Variants in GLB1 observed in about 807,000 individuals in gnomAD.
GLB1 encodes the protein beta-galactosidase.
A neutral mutation model predicts 74.0 loss-of-function variants in GLB1; 56 were observed. That is an observed-to-expected ratio of 0.76 (90% confidence interval 0.61 to 0.94). GLB1 has a LOEUF of 0.94. Among genes scored for constraint, GLB1 ranks in the 40% least tolerant of loss-of-function variants. The pLI is 0.00. For missense variants in GLB1, 787 were observed against 845.5 expected (o/e 0.93, Z 0.86); for synonymous variants, 323 against 323.6 (o/e 1.00, Z 0.02).
chr3:32,993,522 A>ATTT (rs746774682), downstream of GLB1, among the ~76,000 whole-genome samples: 1,551 of 62,310 alleles, frequency 0.025, 270 homozygotes, highest in East Asian at 0.037. Flanking sequence ...CATCCAGCTA[A>ATTT]TTTTTTTTTT....
At chr3:32,978,765 C>CTTTTTTTTTT in the GLB1 span, among the ~76,000 whole-genome samples, 4 of 126,070 alleles carry the variant, frequency 3.2e-5, no homozygotes, top group Non-Finnish European at 4.8e-5. Context: ...TTCTTTCTTT[C>CTTTTTTTTTT]TTTTTTTTTT....
chr3:33,009,154 T>TAAATAAATAAATAAAAAAAA (rs761134064), intron 15 of GLB1, among the ~76,000 whole-genome samples: 27 of 131,614 alleles, frequency 2.1e-4, no homozygotes, highest in African/African-American at 3.4e-4. Flanking sequence ...AATAAATAAA[T>TAAATAAATAAATAAAAAAAA]AAAAAAGATT....
Position 33,072,579 on chromosome 3 carries a change from C to T in GLB1, c.210G>A (p.Leu70=). 2.5e-6 allele frequency: 4 copies of T among 1,613,900 alleles called. No individual in the cohort carries two copies. Among genetic ancestry groups the T allele is most frequent in the Non-Finnish European group, 2.5e-6 (3 of 1,180,038 alleles). The change falls in exon 2 of 16, where the codon CTG becomes CTA. Residue 70 remains leucine, a synonymous_variant. Coordinates refer to ENST00000307363, the MANE Select transcript of GLB1 (RefSeq NM_000404.4). ...VPRFYWKDRL[L]KMKMAGLNAI... is the part of the protein sequence containing the mutation. ...CGTTCAGCCCAGCCATCTTCATCTT[C>T]AGCAGCCGGTCCTTCCAGTAGAAGC...
At chr3:33,071,895 A>G (rs1168639242) in intron 2 of GLB1, among the ~76,000 whole-genome samples, 1 of 152,146 alleles carries the variant, frequency 6.6e-6, no homozygotes, top group African/African-American at 2.4e-5. Flanking sequence ...GCCACCCAGA[A>G]AGGCCAAGAA....
intron 1 of GLB1, chr3:33,090,739 G>A (rs982499450): frequency 1.1e-5 from 11 of 985,208 alleles, no homozygotes; most frequent in African/African-American, 1.7e-5. Context: ...AATGTCCGCC[G>A]CGTCAGGGAA....
At chr3:33,073,813 A>G (rs1018997340) in intron 1 of GLB1, among the ~76,000 whole-genome samples, 2 of 152,108 alleles carry the variant, frequency 1.3e-5, no homozygotes, top group African/African-American at 4.8e-5. Context: ...GTTCAAGACC[A>G]GCCTAGGCAA....
chr3:33,060,303 G>A (rs1480020543), intron 5 of GLB1, among the ~76,000 whole-genome samples: 2 of 152,192 alleles, frequency 1.3e-5, no homozygotes, highest in Non-Finnish European at 2.9e-5. Context: ...AACCATCCTG[G>A]AAGAGGAAGT....
intron 1 of GLB1, among the ~76,000 whole-genome samples, chr3:33,095,702 T>TTC (rs759386487): frequency 1.3e-5 from 2 of 152,132 alleles, no homozygotes; most frequent in Non-Finnish European, 2.9e-5. Flanking sequence ...TCATAAATCC[T>TTC]TCTCTCTCTC....
chr3:33,088,489 A>G (rs1700621138), intron 1 of GLB1, among the ~76,000 whole-genome samples: 1 of 152,078 alleles, frequency 6.6e-6, no homozygotes, highest in Non-Finnish European at 1.5e-5. Flanking sequence ...TTGCTTCTCT[A>G]TACACTAAAA....
chr3:32,969,598 T>G, the GLB1 span, among the ~76,000 whole-genome samples: 1 of 152,100 alleles, frequency 6.6e-6, no homozygotes, highest in African/African-American at 2.4e-5. Context: ...GAGATTCCCC[T>G]CCCGGAGATC....
intron 2 of GLB1, among the ~76,000 whole-genome samples, chr3:33,070,481 G>A (rs995610190): frequency 6.6e-6 from 1 of 152,108 alleles, no homozygotes; most frequent in Non-Finnish European, 1.5e-5. Flanking sequence ...CAGACTTCAT[G>A]GGGACACTTC....
chr3:32,990,905 T>C, the GLB1 span, among the ~76,000 whole-genome samples: 5 of 151,188 alleles, frequency 3.3e-5, no homozygotes, highest in Non-Finnish European at 5.9e-5. Context: ...ACCCGGGAGG[T>C]GGAGCTTGCA....
chr3:33,060,544 C>A (rs1288778306), intron 5 of GLB1, among the ~76,000 whole-genome samples: 2 of 152,170 alleles, frequency 1.3e-5, no homozygotes, highest in Non-Finnish European at 2.9e-5. Flanking sequence ...GGTCTCACAG[C>A]CTCTGTACCT....
chr3:32,968,442 A>C, the GLB1 span, among the ~76,000 whole-genome samples: 2 of 152,316 alleles, frequency 1.3e-5, no homozygotes, highest in East Asian at 3.9e-4. Flanking sequence ...TAAAGTGTCA[A>C]GAAAAAAAAA....
chr3:32,971,561 C>T, the GLB1 span, among the ~76,000 whole-genome samples: 1 of 152,226 alleles, frequency 6.6e-6, no homozygotes, highest in African/African-American at 2.4e-5. Context: ...AACTTCACTT[C>T]GCCTAACCTT....
intron 15 of GLB1, among the ~76,000 whole-genome samples, chr3:32,998,141 G>A (rs1696391922): frequency 6.6e-6 from 1 of 152,236 alleles, no homozygotes; most frequent in Admixed American, 6.5e-5. Context: ...AAAACTGAAA[G>A]TGGAGGATAA....
intron 1 of GLB1, among the ~76,000 whole-genome samples, chr3:33,085,258 G>A (rs1189936416): frequency 8.1e-6 from 1 of 122,826 alleles, no homozygotes; most frequent in East Asian, 2.9e-4. Flanking sequence ...CAGAGTGACA[G>A]AGCAAGAGTC....
chr3:33,004,029 C>CA (rs1252059060), intron 15 of GLB1, among the ~76,000 whole-genome samples: 2,246 of 141,834 alleles, frequency 0.016, 61 homozygotes, highest in African/African-American at 0.053. Flanking sequence ...GACTCCATTT[C>CA]AAAAAAAAAA....
intron 10 of GLB1, chr3:33,034,154 G>A (rs1418138012): frequency 1.1e-5 from 7 of 626,014 alleles, no homozygotes; most frequent in East Asian, 3.1e-5. Flanking sequence ...GAAGACCCAC[G>A]ACCCCTCAGG....
Sources: allele counts gnomAD v4.1 joint callset (sites outside exome capture counted in the v4.1 genomes callset), GRCh38; gene constraint gnomAD v4.1.1; transcripts MANE v1.5; gene names NCBI Gene and HGNC (gene_info 2026-07-23, HGNC 2026-07-21).